PDLIM5: variants seen among roughly 807,000 people sequenced by gnomAD.
The protein encoded by PDLIM5 is PDZ and LIM domain protein 5.
Under a neutral mutation model 64.2 loss-of-function variants are expected in PDLIM5, and 34 were observed. That is an observed-to-expected ratio of 0.53 (90% CI 0.40 to 0.71). PDLIM5 has a LOEUF of 0.71. PDLIM5 is among the 30% of genes least tolerant of loss of function. The pLI, the probability that PDLIM5 is intolerant of heterozygous loss-of-function variation, is 0.00. For synonymous variants in PDLIM5, 253 were observed against 269.1 expected (o/e 0.94, Z 0.59); for missense variants, 683 against 733.6 (o/e 0.93, Z 0.80).
At chr4:94,564,036 T>G (rs1172562040) in intron 3 of PDLIM5, among the ~76,000 whole-genome samples, 1 of 151,184 alleles carries the variant, frequency 6.6e-6, no homozygotes, top group Admixed American at 6.6e-5. Flanking sequence ...CAGTCTCGGC[T>G]TACTACAGCC....
chr4:94,507,153 G>T (rs1191818358), intron 2 of PDLIM5, among the ~76,000 whole-genome samples: 1 of 151,948 alleles, frequency 6.6e-6, no homozygotes, highest in Non-Finnish European at 1.5e-5. Context: ...TCCCCAGCTT[G>T]CAGATGGCCT....
intron 2 of PDLIM5, chr4:94,455,911 A>G (rs989414063): frequency 6.9e-7 from 1 of 1,456,884 alleles, no homozygotes; most frequent in Non-Finnish European, 9.3e-7. Flanking sequence ...CTCCAACTAG[A>G]TAGCCTATGA....
intron 2 of PDLIM5, among the ~76,000 whole-genome samples, chr4:94,486,009 G>A (rs1043350646): frequency 6.6e-6 from 1 of 152,126 alleles, no homozygotes; most frequent in African/African-American, 2.4e-5. Context: ...TCACGATCAG[G>A]AAGGCGGAAC....
chr4:94,456,732 A>G, intron 2 of PDLIM5: 1 of 1,248,288 alleles, frequency 8.0e-7, no homozygotes, highest in Non-Finnish European at 1.0e-6. Flanking sequence ...GAATATATGT[A>G]TCTACGTCAT....
At chr4:94,464,056 G>A (rs1412163679) in intron 2 of PDLIM5, among the ~76,000 whole-genome samples, 1 of 152,142 alleles carries the variant, frequency 6.6e-6, no homozygotes, top group African/African-American at 2.4e-5. Flanking sequence ...GGATGCCAGG[G>A]ATATTTATAT....
Position 94,575,740 on chromosome 4 carries a change from A to T in PDLIM5, c.416A>T (p.Lys139Ile). The T allele has an allele frequency of 6.2e-7, 1 of 1,614,088 alleles. No homozygotes were observed. The highest frequency in any genetic ancestry group is 8.5e-7 in the Non-Finnish European group (1 of 1,179,994). Residue 139 changes from lysine to isoleucine, a missense_variant, in exon 5 of 13, where the codon AAA (lysine) becomes ATA (isoleucine). Physicochemically the swap from Lys to Ile is moderately radical, Grantham distance 102. Transcript: ENST00000317968. ...CCTTTTGGTTCTGTGTCTTCACCAAAAGTCACATCCATCCCATCACCATCG... is the reference window on the plus strand; with the variant it reads ...CCTTTTGGTTCTGTGTCTTCACCAATAGTCACATCCATCCCATCACCATCG... ...PRPFGSVSSP[K>I]VTSIPSPSSA...
At chr4:94,581,609 G>T (rs1304083539) in intron 5 of PDLIM5, among the ~76,000 whole-genome samples, 1 of 152,078 alleles carries the variant, frequency 6.6e-6, no homozygotes, top group African/African-American at 2.4e-5. Flanking sequence ...AACTGATTTT[G>T]ACATGTGGAA....
intron 2 of PDLIM5, among the ~76,000 whole-genome samples, chr4:94,508,042 A>G (rs941459185): frequency 6.6e-6 from 1 of 152,222 alleles, no homozygotes; most frequent in Admixed American, 6.5e-5. Context: ...CACATGGTCC[A>G]CCACTGCAGT....
At chr4:94,607,122 A>G (rs1262193654) in intron 7 of PDLIM5, among the ~76,000 whole-genome samples, 4 of 152,134 alleles carry the variant, frequency 2.6e-5, no homozygotes, top group Admixed American at 6.5e-5. Context: ...TTTTTCTTCA[A>G]CTGTCTACGT....
intron 2 of PDLIM5, among the ~76,000 whole-genome samples, chr4:94,506,531 C>G (rs899147828): frequency 3.3e-5 from 5 of 152,080 alleles, no homozygotes; most frequent in African/African-American, 1.2e-4. Flanking sequence ...CTTCCTCAGG[C>G]CTCTTTTATA....
intron 8 of PDLIM5, among the ~76,000 whole-genome samples, chr4:94,623,891 A>G (rs1292387740): frequency 2.6e-5 from 4 of 152,248 alleles, no homozygotes; most frequent in Non-Finnish European, 1.5e-5. Flanking sequence ...TTCTTGAAGC[A>G]TTTAACTCTC....
At chr4:94,610,197 C>A (rs1460213275) in intron 7 of PDLIM5, 8 of 1,524,578 alleles carry the variant, frequency 5.2e-6, no homozygotes, top group Non-Finnish European at 5.3e-6. Flanking sequence ...AAGATTCTTT[C>A]GAAGGTTTTC....
chr4:94,647,624 C>T (rs1741520559), intron 9 of PDLIM5, among the ~76,000 whole-genome samples: 1 of 152,006 alleles, frequency 6.6e-6, no homozygotes, highest in African/African-American at 2.4e-5. Context: ...AACTAGAAAA[C>T]TTGAACAACA....
At chr4:94,486,804 CCAG>C (rs1406056738) in intron 2 of PDLIM5, among the ~76,000 whole-genome samples, 2 of 152,094 alleles carry the variant, frequency 1.3e-5, no homozygotes, top group Admixed American at 1.3e-4. Context: ...GAATTTGAGA[CCAG>C]CCTGGTCAAC....
chr4:94,537,555 A>G (rs1029919888), intron 3 of PDLIM5, among the ~76,000 whole-genome samples: 2 of 152,156 alleles, frequency 1.3e-5, no homozygotes, highest in Non-Finnish European at 2.9e-5. Context: ...TATGAGAGAA[A>G]AAGTGTTCAA....
At chr4:94,468,279 A>C (rs1724551123) in intron 2 of PDLIM5, among the ~76,000 whole-genome samples, 1 of 152,292 alleles carries the variant, frequency 6.6e-6, no homozygotes, top group African/African-American at 2.4e-5. Flanking sequence ...TAGCCTCCCA[A>C]GTAGCTGGAA....
intron 7 of PDLIM5, among the ~76,000 whole-genome samples, chr4:94,615,881 T>A (rs1438783329): frequency 6.6e-6 from 1 of 152,208 alleles, no homozygotes; most frequent in East Asian, 1.9e-4. Flanking sequence ...AGAGTGAATC[T>A]GCAGGTCAGA....
At chr4:94,502,931 A>C (rs1728061940) in intron 2 of PDLIM5, among the ~76,000 whole-genome samples, 1 of 152,088 alleles carries the variant, frequency 6.6e-6, no homozygotes, top group African/African-American at 2.4e-5. Context: ...TCCAGGAAGC[A>C]TATTGAAATA....
At chr4:94,466,107 G>A (rs1439530770) in intron 2 of PDLIM5, among the ~76,000 whole-genome samples, 1 of 152,116 alleles carries the variant, frequency 6.6e-6, no homozygotes, top group South Asian at 2.1e-4. Flanking sequence ...AGCTGGGACT[G>A]CAGGTGCATG....
Sources: allele counts gnomAD v4.1 joint callset (sites outside exome capture counted in the v4.1 genomes callset), GRCh38; gene constraint gnomAD v4.1.1; transcripts MANE v1.5; gene names NCBI Gene and HGNC (gene_info 2026-07-23, HGNC 2026-07-21).